The following KANK3 variants were observed in gnomAD, a reference collection of about 807,000 sequenced individuals.
KANK3 encodes KN motif and ankyrin repeat domains 3.
Under a neutral mutation model 65.4 loss-of-function variants are expected in KANK3, and 61 were observed. The ratio of observed to expected loss-of-function variants is 0.93; its 90% CI spans 0.76 to 1.15. KANK3 has a LOEUF of 1.15. KANK3 is among the 50% of genes most tolerant of loss of function. The pLI is 0.00. For synonymous variants in KANK3, 586 were observed against 543.3 expected (o/e 1.08, Z -1.09); for missense variants, 1,187 against 1,178.8 (o/e 1.01, Z -0.10).
chr19:8,330,860 C>T (rs1361675514), intron 7 of KANK3, among the ~76,000 whole-genome samples: 1 of 151,762 alleles, frequency 6.6e-6, no homozygotes, highest in Non-Finnish European at 1.5e-5. Flanking sequence ...GCTGATATTG[C>T]ACCACTGCAG....
At position 8,333,167 on chromosome 19, in the gene KANK3, C is replaced by A; in HGVS notation, c.1783G>T (p.Glu595Ter). 1 of 1,613,018 alleles carries A rather than the reference C, an allele frequency of 6.2e-7. No individual in the cohort carries two copies. Among genetic ancestry groups the A allele is most frequent in the Non-Finnish European group, 8.5e-7 (1 of 1,179,920 alleles). Residue 595 changes from glutamate to a stop codon, truncating the protein, a stop_gained, in exon 7 of 11, where the codon GAG becomes TAG. Coordinates refer to ENST00000330915, the MANE Select transcript of KANK3 (RefSeq NM_198471.3). LOFTEE classifies it high-confidence loss of function. This position sits in a 1 kb window ranked among gnomAD's most constrained non-coding sequence, Gnocchi z 5.0. ...RVSSQRRSQA[E>*]PVARMLEGVR... ...CCTTCCAGCATCCTGGCCACGGGCT[C>A]CGCCTGAGAGCGCCGCTGGCTGGAC... is the stretch of plus-strand genomic sequence containing the variant.
At position 8,334,613 on chromosome 19, in the gene KANK3, G is replaced by T; in HGVS notation, c.1214C>A (p.Pro405Gln). ...AQLREATTQT[P>Q]WSCAEKAAQT... ...CGCGGCCTTTTCGGCACAGCTCCAC[G>T]GGGTCTGGGTGGTGGCCTCGCGTAG... Residue 405 changes from proline to glutamine, a missense_variant, in exon 3 of 11, where the codon CCG becomes CAG. Pro to Gln is a moderately conservative substitution (Grantham distance 76). Transcript: ENST00000330915. The T allele has an allele frequency of 3.2e-6, 5 of 1,578,250 alleles. No homozygotes were observed. The highest frequency in any genetic ancestry group is 1.3e-5 in the African/African-American group (1 of 74,570).
rs2145430273 is a variant in KANK3 at position 8,334,044 on chromosome 19, C to CG, written c.1499dup (p.Ser502Ter). ...CATCCCCGGAGCCCGAGGAGCTACC[C>CG]GGGGGCTCGGCGCCACCGTTCTCGC... is the stretch of plus-strand genomic sequence containing the variant. On this transcript the variant is annotated frameshift_variant, in exon 5 of 11. Coordinates refer to ENST00000330915, the MANE Select transcript of KANK3 (RefSeq NM_198471.3). LOFTEE classifies it high-confidence loss of function. The CG allele has an allele frequency of 6.5e-7, 1 of 1,542,284 alleles. No homozygotes were observed. Among genetic ancestry groups the CG allele is most frequent in the Non-Finnish European group, 8.7e-7 (1 of 1,149,168 alleles).
chr19:8,324,926 A>G, intron 8 of KANK3, 25 bp downstream of exon 8: 1 of 1,609,364 alleles, frequency 6.2e-7, no homozygotes, highest in Non-Finnish European at 8.5e-7. Flanking sequence ...CCTGGCTGAG[A>G]GCCACAGTGG....
At chr19:8,329,405 C>G (rs772778642) in intron 7 of KANK3, among the ~76,000 whole-genome samples, 4 of 138,224 alleles carry the variant, frequency 2.9e-5, no homozygotes, top group African/African-American at 5.5e-5. Flanking sequence ...GAGAATCACT[C>G]GAACCCGGGA....
intron 1 of KANK3, among the ~76,000 whole-genome samples, chr19:8,340,797 C>T (rs1659860574): frequency 6.6e-6 from 1 of 152,346 alleles, no homozygotes; most frequent in Non-Finnish European, 1.5e-5. Context: ...CTCTTCCAGT[C>T]CCCAAGCAGC....
In KANK3 at chr19:8,333,900, C is replaced by T. The variant is rs771113678; in HGVS notation, c.1634+10G>A. Reference sequence around the variant, plus strand: ...GCCTCCTCTCCAAACAACTAGCGAGCGCCGCTCACCTCCCCTGTGCCACCT... The same window carrying T: ...GCCTCCTCTCCAAACAACTAGCGAGTGCCGCTCACCTCCCCTGTGCCACCT... On this transcript the variant is annotated intron_variant, in intron 5 of 10. Transcript: ENST00000330915. The surrounding 1 kb of genome is among the most constrained non-coding windows in gnomAD (Gnocchi z 5.0). 3.2e-6 allele frequency: 5 copies of T among 1,575,542 alleles called. No individual in the cohort carries two copies. In the Admixed American group the frequency reaches 7.1e-5, roughly 23 times the overall value.
intron 1 of KANK3, among the ~76,000 whole-genome samples, chr19:8,340,569 C>G (rs547772051): frequency 6.6e-6 from 1 of 152,252 alleles, no homozygotes; most frequent in African/African-American, 2.4e-5. Context: ...CACGGCCCGT[C>G]TGTGCTAACC....
At chr19:8,334,211 G>A (rs1970585038) in intron 4 of KANK3, 95 bp from the exon 5 acceptor site, 2 of 1,523,086 alleles carry the variant, frequency 1.3e-6, no homozygotes. Context: ...TTAACGATGA[G>A]GAAACTGAGG....
chr19:8,326,064 C>T lies in KANK3; in HGVS notation c.1937-968G>A, dbSNP rs926929409. Among the ~76,000 whole-genome samples the T allele has an allele frequency of 3.9e-5, 6 of 152,010 alleles. 1 individual carries two copies. The highest frequency in any genetic ancestry group is 2.1e-4 in the South Asian group (1 of 4,760). ...GGTCTCGAACTCCGACCTCATGATT[C>T]GCTTGCCTCAGCTTCCCAAAGTGCT... On this transcript the variant is annotated intron_variant, in intron 7 of 10. Transcript: ENST00000330915.
At chr19:8,329,726 A>G (rs181521558) in intron 7 of KANK3, among the ~76,000 whole-genome samples, 37 of 152,252 alleles carry the variant, frequency 2.4e-4, no homozygotes, top group Admixed American at 1.6e-3. Flanking sequence ...CCTGCAGACC[A>G]GATTCCATAC....
At chr19:8,325,825 A>G (rs1970418048) in intron 7 of KANK3, among the ~76,000 whole-genome samples, 1 of 151,786 alleles carries the variant, frequency 6.6e-6, no homozygotes, top group Admixed American at 6.6e-5. Context: ...AGCAGCCAGG[A>G]GCAACTATTT....
chr19:8,326,870 C>A (rs1490732357), intron 7 of KANK3, among the ~76,000 whole-genome samples: 1 of 152,006 alleles, frequency 6.6e-6, no homozygotes, highest in Non-Finnish European at 1.5e-5. Flanking sequence ...AAGCAGCTCA[C>A]AGTGATACTT....
At chr19:8,327,844 A>G (rs1184381858) in intron 7 of KANK3, among the ~76,000 whole-genome samples, 2 of 152,160 alleles carry the variant, frequency 1.3e-5, no homozygotes, top group Non-Finnish European at 2.9e-5. Context: ...TTCCACTAAG[A>G]CACCGTGTAA....
chr19:8,327,417 G>A (rs1443434500), intron 7 of KANK3, among the ~76,000 whole-genome samples: 1 of 152,050 alleles, frequency 6.6e-6, no homozygotes, highest in African/African-American at 2.4e-5. Context: ...AGATCACAAG[G>A]TCAAGAGATC....
Position 8,335,226 on chromosome 19 carries a change from C to G in KANK3, c.601G>C (p.Glu201Gln). The G allele has an allele frequency of 8.2e-7, 1 of 1,226,062 alleles. No homozygotes were observed. The highest frequency in any genetic ancestry group is 3.0e-5 in the South Asian group (1 of 33,414). The allele number at this position is 1,226,062 out of a possible 1,614,324, so 75.9% of individuals were successfully genotyped here. The change falls in exon 3 of 11, where the codon GAG (glutamate) becomes CAG (glutamine). Residue 201 changes from glutamate (E) to glutamine (Q), a missense_variant. Around this residue, in one of 3 missense-constraint regions of KANK3, gnomAD observed 1,078 missense variants for 1,038.2 expected, o/e 1.04. Transcript: ENST00000330915. ...AAALRRLRELEDQARTLPELQ... is the reference protein window; with the variant it reads ...AAALRRLRELQDQARTLPELQ... Reference sequence around the variant, plus strand: ...TCGGGCAGCGTTCGCGCCTGGTCCTCGAGCTCGCGCAGGCGCCGCAGCGCC... The same window carrying G: ...TCGGGCAGCGTTCGCGCCTGGTCCTGGAGCTCGCGCAGGCGCCGCAGCGCC...
Position 8,322,938 on chromosome 19 carries a change from A to T in KANK3, c.2383-16T>A, listed in dbSNP as rs1282497092. 1.3e-5 allele frequency: 18 copies of T among 1,399,426 alleles called. No homozygotes were observed. Among genetic ancestry groups the T allele is most frequent in the African/African-American group, 3.0e-5 (2 of 67,192 alleles). The allele number at this position is 1,399,426 out of a possible 1,614,324, so 86.7% of individuals were successfully genotyped here. A position where few individuals can be genotyped will look rare whatever the true frequency, so the allele number is the denominator to read the frequency against. On this transcript the variant is annotated splice_polypyrimidine_tract_variant and intron_variant, in intron 10 of 10. Coordinates refer to ENST00000330915, the MANE Select transcript of KANK3 (RefSeq NM_198471.3). ...GTGACTCGCTCTGGAGAGAGGGGAA[A>T]AGAGGGGGGCCTGCTGCAATCTCCT...
intron 1 of KANK3, among the ~76,000 whole-genome samples, chr19:8,340,237 G>C (rs1019152370): frequency 1.6e-5 from 2 of 128,876 alleles, no homozygotes; most frequent in African/African-American, 6.7e-5. Context: ...ACTCCAGCCT[G>C]GGGGACAGAG....
At position 8,331,980 on chromosome 19, in the gene KANK3, CTTTTTTTTTTTTTT is replaced by C. The variant is rs1166441751; in HGVS notation, c.1936+1020_1936+1033del. On this transcript the variant is annotated intron_variant, in intron 7 of 10. Coordinates refer to ENST00000330915, the MANE Select transcript of KANK3 (RefSeq NM_198471.3). ...GGGGTATGGTGGGGCCAAAAGGCCT[CTTTTTTTTTTTTTT>C]TTTTTTTTTTTTTTTGAGATGGAGT... 1.0e-4 allele frequency among the ~76,000 whole-genome samples: 7 copies of C among 67,900 alleles called. 1 individual carries two copies. Among genetic ancestry groups the C allele is most frequent in the East Asian group, 9.1e-4 (2 of 2,196 alleles). The allele number at this position is 67,900 out of a possible 152,430, so 44.5% of individuals were successfully genotyped here.
Sources: allele counts gnomAD v4.1 joint callset (sites outside exome capture counted in the v4.1 genomes callset), GRCh38; gene constraint gnomAD v4.1.1; regional missense constraint gnomAD v4.1.1; non-coding constraint Gnocchi (gnomAD v3.1); transcripts MANE v1.5; gene names NCBI Gene and HGNC (gene_info 2026-07-23, HGNC 2026-07-21).